Variants in EPHA6 observed in about 807,000 individuals in gnomAD.
EPHA6 encodes the protein ephrin type-A receptor 6.
A neutral mutation model predicts 112.0 loss-of-function variants in EPHA6; 50 were observed. The observed-to-expected ratio is 0.45, with a 90% confidence interval of 0.36 to 0.56. The LOEUF (loss-of-function observed/expected upper bound fraction) is 0.56, where lower values mean the gene tolerates loss of function less well. Ranked by LOEUF, EPHA6 falls within the 20% of genes least tolerant of loss-of-function variation. The probability of loss-of-function intolerance (pLI) is 0.00; values close to 1 mark genes in which losing one functional copy is unlikely to be tolerated. For missense variants in EPHA6, 1,280 were observed against 1,417.4 expected (o/e 0.90, Z 1.56); for synonymous variants, 529 against 490.7 (o/e 1.08, Z -1.03).
chr3:97,271,827 T>C (rs1257028483), intron 5 of EPHA6, among the ~76,000 whole-genome samples: 1 of 152,194 alleles, frequency 6.6e-6, no homozygotes, highest in Non-Finnish European at 1.5e-5. Context: ...GTATGTAAGG[T>C]ATACAATATG....
intron 3 of EPHA6, among the ~76,000 whole-genome samples, chr3:97,209,876 A>C (rs951977215): frequency 1.3e-5 from 2 of 152,194 alleles, no homozygotes; most frequent in African/African-American, 4.8e-5. Context: ...CATTCAATTG[A>C]ATTGAATACG....
intron 5 of EPHA6, among the ~76,000 whole-genome samples, chr3:97,279,648 C>T (rs565843016): frequency 3.9e-5 from 6 of 152,030 alleles, no homozygotes; most frequent in African/African-American, 1.4e-4. Flanking sequence ...TCAATCAAAC[C>T]TGGTTATGAT....
chr3:97,234,130 C>T (rs1177330797), intron 4 of EPHA6, among the ~76,000 whole-genome samples: 2 of 152,090 alleles, frequency 1.3e-5, no homozygotes, highest in Non-Finnish European at 2.9e-5. Flanking sequence ...TTAGGTGTCT[C>T]AAATGGCTAC....
intron 1 of EPHA6, among the ~76,000 whole-genome samples, chr3:96,836,699 A>C (rs2034435712): frequency 6.6e-6 from 1 of 152,184 alleles, no homozygotes; most frequent in Non-Finnish European, 1.5e-5. Flanking sequence ...GAGAACAGTA[A>C]AAGGAAGGGC....
At chr3:97,735,794 AG>A (rs1459623952) in intron 15 of EPHA6, 130 bp from the exon 16 acceptor site, 2 of 588,680 alleles carry the variant, frequency 3.4e-6, no homozygotes, top group South Asian at 7.9e-5. Flanking sequence ...ATCCTTATTT[AG>A]GTCCTTGTAC....
At chr3:97,480,001 C>T (rs2091483598) in intron 9 of EPHA6, among the ~76,000 whole-genome samples, 2 of 152,132 alleles carry the variant, frequency 1.3e-5, no homozygotes, top group African/African-American at 4.8e-5. Flanking sequence ...TTGTGAGACA[C>T]TGAATTAACA....
intron 5 of EPHA6, among the ~76,000 whole-genome samples, chr3:97,271,688 T>A (rs1396063108): frequency 6.6e-6 from 1 of 152,236 alleles, no homozygotes; most frequent in Non-Finnish European, 1.5e-5. Flanking sequence ...AAATATACGT[T>A]GGAGTTTGTC....
intron 15 of EPHA6, among the ~76,000 whole-genome samples, chr3:97,724,474 A>C (rs1400652999): frequency 1.3e-5 from 2 of 152,156 alleles, no homozygotes; most frequent in East Asian, 3.9e-4. Flanking sequence ...GAATTAGAAA[A>C]TCCAGTTCTC....
At chr3:96,876,575 C>T (rs964717993) in intron 2 of EPHA6, among the ~76,000 whole-genome samples, 5 of 152,022 alleles carry the variant, frequency 3.3e-5, no homozygotes, top group Admixed American at 1.3e-4. Context: ...CCCCTCCTCT[C>T]CTTTCCTACC....
chr3:96,937,681 C>A (rs1415043672), intron 2 of EPHA6, among the ~76,000 whole-genome samples: 2 of 151,940 alleles, frequency 1.3e-5, no homozygotes, highest in Admixed American at 1.3e-4. Flanking sequence ...AAGTCCTTGC[C>A]CATGCCTATG....
intron 6 of EPHA6, among the ~76,000 whole-genome samples, chr3:97,445,812 A>G (rs944916979): frequency 5.3e-5 from 8 of 152,006 alleles, no homozygotes; most frequent in Non-Finnish European, 1.2e-4. Context: ...GAGAAGAGGA[A>G]TTTTATCACA....
At chr3:97,592,821 A>G (rs2093557485) in intron 12 of EPHA6, 84 bp downstream of exon 12, 1 of 1,364,628 alleles carries the variant, frequency 7.3e-7, no homozygotes, top group East Asian at 2.5e-5. Flanking sequence ...ATACAAAATG[A>G]ATATTGCTTA....
chr3:97,034,976 A>G (rs895755551), intron 3 of EPHA6, among the ~76,000 whole-genome samples: 7 of 152,022 alleles, frequency 4.6e-5, no homozygotes, highest in African/African-American at 9.7e-5. Context: ...TTTACATACA[A>G]TAGTTCCAGA....
chr3:97,396,999 C>G (rs1209619568), intron 5 of EPHA6, among the ~76,000 whole-genome samples: 1 of 151,644 alleles, frequency 6.6e-6, no homozygotes, highest in Admixed American at 6.6e-5. Flanking sequence ...ACGTAGTCAT[C>G]AGAAAGGTTT....
intron 6 of EPHA6, among the ~76,000 whole-genome samples, chr3:97,405,949 A>G (rs2087314997): frequency 1.3e-5 from 2 of 151,982 alleles, no homozygotes; most frequent in African/African-American, 4.8e-5. Flanking sequence ...CCTCACCATT[A>G]TGATATTCTT....
chr3:97,555,391 C>T (rs2093091459), intron 11 of EPHA6, among the ~76,000 whole-genome samples: 1 of 151,972 alleles, frequency 6.6e-6, no homozygotes, highest in African/African-American at 2.4e-5. Context: ...AATAAACATA[C>T]GTGTGCATGT....
chr3:97,239,535 A>G (rs773999701), intron 4 of EPHA6, among the ~76,000 whole-genome samples: 10 of 151,940 alleles, frequency 6.6e-5, no homozygotes, highest in African/African-American at 1.7e-4. Flanking sequence ...TATTTATTAT[A>G]TTATTACAAT....
chr3:97,286,385 C>T (rs2080465578), intron 5 of EPHA6, among the ~76,000 whole-genome samples: 1 of 152,012 alleles, frequency 6.6e-6, no homozygotes, highest in African/African-American at 2.4e-5. Context: ...ACATTTAAGT[C>T]CTTAATTCAT....
intron 5 of EPHA6, among the ~76,000 whole-genome samples, chr3:97,254,683 C>T (rs951581082): frequency 3.7e-4 from 57 of 152,250 alleles, no homozygotes; most frequent in African/African-American, 1.3e-3. Flanking sequence ...TGAGGCAAGA[C>T]GCACATATGC....
Sources: gnomAD v4.1 joint callset for allele counts (sites outside exome capture counted in the v4.1 genomes callset) on GRCh38, gnomAD v4.1.1 for gene constraint, MANE v1.5 for transcripts, NCBI Gene and HGNC (gene_info 2026-07-23, HGNC 2026-07-21) for gene names.